DNTT: variants seen among roughly 807,000 people sequenced by gnomAD.
The protein encoded by DNTT is nucleosidetriphosphate:DNA deoxynucleotidylexotransferase.
In DNTT, 47 loss-of-function variants were observed where a neutral mutation model predicts 60.9. That is an observed-to-expected ratio of 0.77 (90% CI 0.61 to 0.98). The LOEUF (loss-of-function observed/expected upper bound fraction) is 0.98. DNTT is among the 50% of genes least tolerant of loss of function. DNTT has a pLI of 0.00. For synonymous variants in DNTT, 224 were observed against 221.2 expected, an observed-to-expected ratio of 1.01 and a Z score of -0.11; for missense variants, 665 against 627.5, an observed-to-expected ratio of 1.06 and a Z score of -0.64.
chr10:96,331,544 C>A (rs955222420), intron 8 of DNTT, among the ~76,000 whole-genome samples: 2 of 152,080 alleles, frequency 1.3e-5, no homozygotes, highest in South Asian at 2.1e-4. Flanking sequence ...CTCTTTGTAA[C>A]CCCCAGCTTT....
chr10:96,334,839 A>G (rs775730040), intron 9 of DNTT, among the ~76,000 whole-genome samples: 5 of 152,244 alleles, frequency 3.3e-5, no homozygotes, highest in Non-Finnish European at 5.9e-5. Flanking sequence ...CCAGTTAAGC[A>G]TCACTGGCTG....
At chr10:96,313,184 T>C (rs998941114) in intron 1 of DNTT, among the ~76,000 whole-genome samples, 1 of 152,090 alleles carries the variant, frequency 6.6e-6, no homozygotes, top group African/African-American at 2.4e-5. Context: ...GCCAAGAAAT[T>C]AGGAGAAGAT....
intron 6 of DNTT, 44 bp downstream of exon 6, chr10:96,324,433 G>T: frequency 6.2e-7 from 1 of 1,607,440 alleles, no homozygotes; most frequent in South Asian, 1.1e-5. Context: ...TGGGCTGGTC[G>T]GGTCGTGGTG....
chr10:96,336,389 T>C (rs967565599), intron 10 of DNTT, among the ~76,000 whole-genome samples: 10 of 152,190 alleles, frequency 6.6e-5, no homozygotes, highest in Non-Finnish European at 1.0e-4. Flanking sequence ...AACAGTCTCC[T>C]GCAAGAAAGA....
intron 10 of DNTT, among the ~76,000 whole-genome samples, chr10:96,337,437 G>T (rs1451811168): frequency 2.0e-5 from 3 of 152,258 alleles, no homozygotes; most frequent in Non-Finnish European, 4.4e-5. Flanking sequence ...AGAAGAGGGG[G>T]CTGTGGATGC....
At chr10:96,334,453 TA>T (rs1209739017) in intron 9 of DNTT, among the ~76,000 whole-genome samples, 3 of 152,202 alleles carry the variant, frequency 2.0e-5, no homozygotes, top group Non-Finnish European at 2.9e-5. Context: ...CCCTCCCAAC[TA>T]AACACCTCAC....
In DNTT at chr10:96,328,784, A is replaced by T; in HGVS notation, c.1067A>T (p.Asp356Val). ...FLITSPGSTE[D>V]EEQLLQKVMN... ...ATTACCAGCCCAGGATCAACAGAGG[A>T]TGAAGAGCAACTTTTACAGAAAGTG... Residue 356 changes from aspartate to valine, a missense_variant, in exon 8 of 11, where the codon GAT becomes GTT. Transcript: ENST00000371174. The T allele has an allele frequency of 6.2e-7, 1 of 1,613,982 alleles. No homozygotes were observed. The highest frequency in any genetic ancestry group is 8.5e-7 in the Non-Finnish European group (1 of 1,179,942).
In DNTT at chr10:96,319,293, C is replaced by T. The variant is rs756825413; in HGVS notation, c.410C>T (p.Pro137Leu). The T allele has an allele frequency of 6.2e-7, 1 of 1,613,722 alleles. No individual in the cohort carries two copies. The highest frequency in any genetic ancestry group is 1.7e-5 in the Admixed American group (1 of 59,994). ...AGAGACTATTCAGATAGCACCAACC[C>T]AGGCCCCCCGAAGACTCCACCAATT... Reference protein sequence around the residue: ...VRRDYSDSTNPGPPKTPPIAV... With the variant: ...VRRDYSDSTNLGPPKTPPIAV... The change falls in exon 3 of 11, where the codon CCA becomes CTA. Residue 137 changes from proline to leucine, a missense_variant. Transcript: ENST00000371174.
intron 5 of DNTT, among the ~76,000 whole-genome samples, chr10:96,323,225 G>A (rs977515203): frequency 2.0e-5 from 3 of 152,144 alleles, no homozygotes; most frequent in Admixed American, 1.3e-4. Flanking sequence ...CTTGAGTCTG[G>A]GAGGCAGAGG....
intron 10 of DNTT, among the ~76,000 whole-genome samples, chr10:96,336,753 C>A (rs982154493): frequency 2.0e-5 from 3 of 151,866 alleles, no homozygotes; most frequent in Non-Finnish European, 4.4e-5. Flanking sequence ...TCAAGATCAG[C>A]CAACATGGTG....
At chr10:96,316,144 C>T (rs904593217) in intron 1 of DNTT, among the ~76,000 whole-genome samples, 2 of 152,172 alleles carry the variant, frequency 1.3e-5, no homozygotes, top group Admixed American at 6.5e-5. Context: ...TCCACCCCTT[C>T]CCCCAAAGAG....
At chr10:96,320,263 C>T (rs1300382823) in intron 3 of DNTT, among the ~76,000 whole-genome samples, 1 of 152,198 alleles carries the variant, frequency 6.6e-6, no homozygotes. Flanking sequence ...GTGATCAAGG[C>T]AGAATTCTAG....
At chr10:96,310,894 T>C (rs1652539586) in intron 1 of DNTT, among the ~76,000 whole-genome samples, 1 of 152,220 alleles carries the variant, frequency 6.6e-6, no homozygotes, top group Non-Finnish European at 1.5e-5. Flanking sequence ...ATAATAAATA[T>C]TTTATTTTTA....
intron 1 of DNTT, among the ~76,000 whole-genome samples, chr10:96,311,383 C>T (rs1013699553): frequency 6.6e-6 from 1 of 152,140 alleles, no homozygotes; most frequent in African/African-American, 2.4e-5. Flanking sequence ...GGAGTCTATA[C>T]CCAGGCAAAT....
intron 8 of DNTT, among the ~76,000 whole-genome samples, chr10:96,329,792 G>A (rs946336534): frequency 9.9e-5 from 15 of 152,186 alleles, no homozygotes; most frequent in Admixed American, 2.0e-4. Flanking sequence ...CCTGGCTAGA[G>A]AGCCTCACAC....
chr10:96,329,764 G>T (rs1423967286), intron 8 of DNTT, among the ~76,000 whole-genome samples: 1 of 152,276 alleles, frequency 6.6e-6, no homozygotes, highest in Admixed American at 6.5e-5. Context: ...AATTAGAAGC[G>T]AAGGGCAGGG....
intron 1 of DNTT, among the ~76,000 whole-genome samples, chr10:96,310,701 T>G (rs1844705461): frequency 6.6e-6 from 1 of 152,180 alleles, no homozygotes; most frequent in South Asian, 2.1e-4. Context: ...AAGCCACGTG[T>G]AGACCTCAGC....
rs142661445 is a variant in DNTT at position 96,336,453 on chromosome 10, T to C, written c.1443+479T>C. 6.0e-3 allele frequency among the ~76,000 whole-genome samples: 908 copies of C among 152,330 alleles called. 6 individuals are homozygous for C. The highest frequency in any genetic ancestry group is 0.021 in the African/African-American group (854 of 41,580). On this transcript the variant is annotated intron_variant, in intron 10 of 10. Coordinates refer to ENST00000371174, the MANE Select transcript of DNTT (RefSeq NM_004088.4). ...TGAGCATCCAGCTAGTCTCATTGAC[T>C]ACCCATGTCACTCATTTGGTGTGCT...
At position 96,336,940 on chromosome 10, in the gene DNTT, GA is replaced by G. The variant is rs71034371; in HGVS notation, c.1443+984del. 2.1e-3 allele frequency among the ~76,000 whole-genome samples: 274 copies of G among 129,932 alleles called. 1 individual carries two copies. The highest frequency in any genetic ancestry group is 6.8e-3 in the African/African-American group (241 of 35,606). The allele number at this position is 129,932 out of a possible 152,430, so 85.2% of individuals were successfully genotyped here. ...GCAACAGAGTGAGACTCTGTGTCAG[GA>G]AAAAAAAAAAAAAAAAAGTAATGAT... On this transcript the variant is annotated intron_variant, in intron 10 of 10. Transcript: ENST00000371174.
Sources: allele counts gnomAD v4.1 joint callset (sites outside exome capture counted in the v4.1 genomes callset), GRCh38; gene constraint gnomAD v4.1.1; transcripts MANE v1.5; gene names NCBI Gene and HGNC (gene_info 2026-07-23, HGNC 2026-07-21).